The following NEUROD1 variants were observed in gnomAD, a reference collection of about 807,000 sequenced individuals.
NEUROD1 encodes neuronal differentiation 1, also known as neurogenic differentiation factor 1.
NEUROD1 carries 9 observed loss-of-function variants against 21.8 expected under a neutral mutation model. The ratio of observed to expected loss-of-function variants is 0.41; its 90% confidence interval spans 0.25 to 0.72. NEUROD1 has a LOEUF of 0.72. NEUROD1 is among the 30% of genes least tolerant of loss of function. The probability of loss-of-function intolerance (pLI) is 0.31; values close to 1 mark genes in which losing one functional copy is unlikely to be tolerated. For missense variants in NEUROD1, 434 were observed against 468.8 expected (o/e 0.93, Z 0.69); for synonymous variants, 199 against 186.2 (o/e 1.07, Z -0.56).
At position 181,677,112 on chromosome 2, in the gene NEUROD1, A is replaced by ATTTTTTTTTTTTTTTTTTTTTTTTTTTTT. The variant is rs374172497; in HGVS notation, c.*649_*677dup. 1 of 49,406 alleles carries ATTTTTTTTTTTTTTTTTTTTTTTTTTTTT rather than the reference A, an allele frequency of 2.0e-5. No individual in the cohort carries two copies. Among genetic ancestry groups the ATTTTTTTTTTTTTTTTTTTTTTTTTTTTT allele is most frequent in the African/African-American group, 7.3e-5 (1 of 13,758 alleles). The allele number at this position is 49,406 out of a possible 1,614,324, so 3.1% of individuals were successfully genotyped here. A position where few individuals can be genotyped will look rare whatever the true frequency, so the allele number is the denominator to read the frequency against. Reference sequence around the variant, plus strand: ...TGAAATGAATTGCTCAAATTGTGCAATTTTTTTTTTTTTTTTTTTTTTTTT... The same window carrying ATTTTTTTTTTTTTTTTTTTTTTTTTTTTT: ...TGAAATGAATTGCTCAAATTGTGCAATTTTTTTTTTTTTTTTTTTTTTTTTTTTTTTTTTTTTTTTTTTTTTTTTTTTTT... On this transcript the variant is annotated 3_prime_UTR_variant, in exon 2 of 2. Transcript: ENST00000295108.
chr2:181,672,669 CT>C (rs1688514593), downstream of NEUROD1, among the ~76,000 whole-genome samples: 1 of 152,254 alleles, frequency 6.6e-6, no homozygotes, highest in South Asian at 2.1e-4. Context: ...GTAAAAGCTT[CT>C]TTGAGGAAGT....
rs1435859233 is a variant in NEUROD1 at position 181,676,946 on chromosome 2, A to G, written c.*844T>C. On this transcript the variant is annotated 3_prime_UTR_variant, in exon 2 of 2. Coordinates refer to ENST00000295108, the MANE Select transcript of NEUROD1 (RefSeq NM_002500.5). ...TTTAAAGAAGGGTATGTTGGCATTTATTTATAATATGTATATACAAGCTTG... is the reference window on the plus strand; with the variant it reads ...TTTAAAGAAGGGTATGTTGGCATTTGTTTATAATATGTATATACAAGCTTG... 6.6e-6 allele frequency: 1 copy of G among 152,402 alleles called. No homozygotes were observed. Among genetic ancestry groups the G allele is most frequent in the Non-Finnish European group, 1.5e-5 (1 of 67,968 alleles). The allele number at this position is 152,402 out of a possible 1,614,324, so 9.4% of individuals were successfully genotyped here.
chr2:181,673,122 C>T (rs1688520507), downstream of NEUROD1: 7 of 152,166 alleles, frequency 4.6e-5, no homozygotes, highest in Admixed American at 4.6e-4. Flanking sequence ...AAGATTTAAT[C>T]CAGCATTAAC....
Position 181,678,037 on chromosome 2 carries a change from G to A in NEUROD1, c.824C>T (p.Pro275Leu), listed in dbSNP as rs1574088431. 6.2e-7 allele frequency: 1 copy of A among 1,614,202 alleles called. No homozygotes were observed. The highest frequency in any genetic ancestry group is 8.5e-7 in the Non-Finnish European group (1 of 1,180,044). Residue 275 changes from proline (P) to leucine (L), a missense_variant, in exon 2 of 2, where the codon CCG becomes CTG. Pro to Leu is a moderately conservative substitution (Grantham distance 98). Coordinates refer to ENST00000295108, the MANE Select transcript of NEUROD1 (RefSeq NM_002500.5). The surrounding 1 kb of genome is among the most constrained non-coding windows in gnomAD (Gnocchi z 5.5). ...GAAGTTGCCATTGATGCTGAGCGGCGGGCTGAGGGGTCCATCAAAGGAAGG... is the reference window on the plus strand; with the variant it reads ...GAAGTTGCCATTGATGCTGAGCGGCAGGCTGAGGGGTCCATCAAAGGAAGG... ...TSPSFDGPLSPPLSINGNFSF... is the reference protein window; with the variant it reads ...TSPSFDGPLSLPLSINGNFSF...
intron 1 of NEUROD1, among the ~76,000 whole-genome samples, chr2:181,679,656 C>G (rs1293174931): frequency 6.6e-6 from 1 of 152,212 alleles, no homozygotes; most frequent in Non-Finnish European, 1.5e-5. Flanking sequence ...GCGGAAGGCT[C>G]CTCTCTAATA....
At chr2:181,669,543 C>A (rs1254577461), downstream of NEUROD1, among the ~76,000 whole-genome samples, 1 of 152,124 alleles carries the variant, frequency 6.6e-6, no homozygotes, top group African/African-American at 2.4e-5. Context: ...TTCTCTATTC[C>A]AATAAAGTCT....
At chr2:181,670,330 T>C (rs1688480502), downstream of NEUROD1, among the ~76,000 whole-genome samples, 2 of 152,232 alleles carry the variant, frequency 1.3e-5, no homozygotes, top group Admixed American at 6.5e-5. Flanking sequence ...ATAAAACTTT[T>C]ATATAATTCA....
Position 181,677,757 on chromosome 2 carries a change from T to C in NEUROD1, c.*33A>G. ...GACAGTCACTGTAAGCACAGTGGGT[T>C]CGTTTCCCGGAAATGGTGAAACTGG... On this transcript the variant is annotated 3_prime_UTR_variant, in exon 2 of 2. Coordinates refer to ENST00000295108, the MANE Select transcript of NEUROD1 (RefSeq NM_002500.5). 6.2e-7 allele frequency: 1 copy of C among 1,614,042 alleles called. No homozygotes were observed. Among genetic ancestry groups the C allele is most frequent in the East Asian group, 2.2e-5 (1 of 44,884 alleles).
chr2:181,672,971 C>T (rs1688518135), downstream of NEUROD1: 1 of 152,174 alleles, frequency 6.6e-6, no homozygotes. Context: ...TCTATCTCTC[C>T]ATATCATTTC....
chr2:181,678,135 A>T lies in NEUROD1; in HGVS notation c.726T>A (p.Val242=). The change falls in exon 2 of 2, where the codon GTT becomes GTA. Residue 242 remains valine (V), a synonymous_variant. Transcript: ENST00000295108. This position sits in a 1 kb window ranked among gnomAD's most constrained non-coding sequence, Gnocchi z 5.5. ...GTMDSSHVFH[V]KPPPHAYSAA... ...CGCTGTAGGCGTGCGGCGGAGGCTT[A>T]ACGTGGAAGACATGGGAGCTGTCCA... 1 of 1,614,206 alleles carries T rather than the reference A, an allele frequency of 6.2e-7. No homozygotes were observed. Among genetic ancestry groups the T allele is most frequent in the Non-Finnish European group, 8.5e-7 (1 of 1,180,032 alleles).
chr2:181,671,062 A>G (rs1480644478), exon 2 of NEUROD1, among the ~76,000 whole-genome samples: 2 of 124,244 alleles, frequency 1.6e-5, no homozygotes, highest in African/African-American at 2.6e-5. Flanking sequence ...CACACCATAT[A>G]TACACATATA....
chr2:181,674,834 C>T (rs1166817721), downstream of NEUROD1, among the ~76,000 whole-genome samples: 1 of 151,552 alleles, frequency 6.6e-6, no homozygotes, highest in Admixed American at 6.6e-5. Flanking sequence ...AACTTTTAGT[C>T]TTCATTTCTA....
chr2:181,679,076 A>G (rs548759852), intron 1 of NEUROD1, among the ~76,000 whole-genome samples: 1 of 152,292 alleles, frequency 6.6e-6, no homozygotes, highest in East Asian at 1.9e-4. Flanking sequence ...AGTACGTAGG[A>G]GTGAGGACAG....
chr2:181,678,337 C>A lies in NEUROD1; in HGVS notation c.524G>T (p.Gly175Val), dbSNP rs776110294. ...LVSFVQTLCK[G>V]LSQPTTNLVA... ...CAGGTTGGTGGTGGGTTGGGATAAG[C>A]CCTTGCAAAGCGTCTGAACGAAGGA... The change falls in exon 2 of 2, where the codon GGC becomes GTC. Residue 175 changes from glycine to valine, a missense_variant. By Grantham distance (109) the Gly-to-Val change is moderately radical. Transcript: ENST00000295108. The surrounding 1 kb of genome is among the most constrained non-coding windows in gnomAD (Gnocchi z 5.5). The A allele has an allele frequency of 1.2e-6, 2 of 1,614,138 alleles. No individual in the cohort carries two copies. The highest frequency in any genetic ancestry group is 1.7e-6 in the Non-Finnish European group (2 of 1,180,016).
chr2:181,678,205 T>G lies in NEUROD1; in HGVS notation c.656A>C (p.Tyr219Ser), dbSNP rs943918674. Residue 219 changes from tyrosine (Y) to serine (S), a missense_variant, in exon 2 of 2, where the codon TAC (tyrosine) becomes TCC (serine). Coordinates refer to ENST00000295108, the MANE Select transcript of NEUROD1 (RefSeq NM_002500.5). This position sits in a 1 kb window ranked among gnomAD's most constrained non-coding sequence, Gnocchi z 5.5. Reference sequence around the variant, plus strand: ...GGGCAGCCCAGGCGACTGGTAGGAGTAGGGGTGTACAGGGAAGGAAGCGCT... The same window carrying G: ...GGGCAGCCCAGGCGACTGGTAGGAGGAGGGGTGTACAGGGAAGGAAGCGCT... ...TASASFPVHPYSYQSPGLPSP... is the reference protein window; with the variant it reads ...TASASFPVHPSSYQSPGLPSP... 6.2e-7 allele frequency: 1 copy of G among 1,613,064 alleles called. No individual in the cohort carries two copies. Among genetic ancestry groups the G allele is most frequent in the Non-Finnish European group, 8.5e-7 (1 of 1,179,722 alleles).
chr2:181,671,257 T>C (rs1688494115), exon 2 of NEUROD1, among the ~76,000 whole-genome samples: 2 of 152,274 alleles, frequency 1.3e-5, no homozygotes, highest in East Asian at 3.9e-4. Context: ...TCTAAACAAG[T>C]AGCCTTGCCT....
At chr2:181,671,067 C>T (rs56141347) in exon 2 of NEUROD1, among the ~76,000 whole-genome samples, 2 of 146,170 alleles carry the variant, frequency 1.4e-5, no homozygotes, top group South Asian at 2.3e-4. Flanking sequence ...CATATATACA[C>T]ATATATATAT....
chr2:181,676,157 C>T (rs1182614871), downstream of NEUROD1, among the ~76,000 whole-genome samples: 1 of 152,046 alleles, frequency 6.6e-6, no homozygotes, highest in Non-Finnish European at 1.5e-5. Flanking sequence ...ATGTAACAAT[C>T]ATTTTTAAAA....
intron 1 of NEUROD1, 132 bp downstream of exon 1, chr2:181,680,298 A>G (rs1688672947): frequency 6.6e-6 from 1 of 152,210 alleles, no homozygotes; most frequent in African/African-American, 2.4e-5. Flanking sequence ...CTTATGGGCA[A>G]TTATGGAGGG....
Sources: allele counts gnomAD v4.1 joint callset (sites outside exome capture counted in the v4.1 genomes callset), GRCh38; gene constraint gnomAD v4.1.1; non-coding constraint Gnocchi (gnomAD v3.1); transcripts MANE v1.5; gene names NCBI Gene and HGNC (gene_info 2026-07-23, HGNC 2026-07-21).